The following GKAP1 variants were observed in gnomAD, a reference collection of about 807,000 sequenced individuals.
GKAP1 encodes the protein G kinase anchoring protein 1.
Under a neutral mutation model 56.7 loss-of-function variants are expected in GKAP1, and 31 were observed. The ratio of observed to expected loss-of-function variants is 0.55; its 90% confidence interval spans 0.41 to 0.74. The LOEUF (loss-of-function observed/expected upper bound fraction) is 0.74. Among genes scored for constraint, GKAP1 ranks in the 30% least tolerant of loss-of-function variants. GKAP1 has a pLI of 0.00. For missense variants in GKAP1, 364 were observed against 402.3 expected, an observed-to-expected ratio of 0.90 and a Z score of 0.82; for synonymous variants, 151 against 138.6, an observed-to-expected ratio of 1.09 and a Z score of -0.63.
intron 3 of GKAP1, 53 bp from the exon 4 acceptor site, chr9:83,799,381 TA>T (rs1270963916): frequency 7.8e-7 from 1 of 1,278,160 alleles, no homozygotes; most frequent in Admixed American, 2.5e-5. Context: ...CCTGGGATAC[TA>T]ATGATTTTTT....
intron 8 of GKAP1, among the ~76,000 whole-genome samples, chr9:83,763,129 G>T (rs1587702680): frequency 6.6e-6 from 1 of 152,250 alleles, no homozygotes; most frequent in East Asian, 1.9e-4. Context: ...CTTGTTATTT[G>T]CAACAACATG....
At chr9:83,793,380 T>G (rs1240390342) in intron 4 of GKAP1, among the ~76,000 whole-genome samples, 1 of 152,216 alleles carries the variant, frequency 6.6e-6, no homozygotes, top group African/African-American at 2.4e-5. Context: ...ACTACATATC[T>G]TTCAGTAATT....
At chr9:83,778,819 CAG>C in intron 7 of GKAP1, among the ~76,000 whole-genome samples, 1 of 151,036 alleles carries the variant, frequency 6.6e-6, no homozygotes, top group East Asian at 1.9e-4. Context: ...GGAACTTAAT[CAG>C]AAATCTTCAA....
intron 4 of GKAP1, among the ~76,000 whole-genome samples, chr9:83,796,123 G>A (rs990394617): frequency 6.6e-6 from 1 of 151,418 alleles, no homozygotes; most frequent in South Asian, 2.1e-4. Flanking sequence ...TTAGAGCTAG[G>A]GTCTCACTAT....
At chr9:83,810,291 C>T (rs1944489951) in intron 2 of GKAP1, among the ~76,000 whole-genome samples, 1 of 152,106 alleles carries the variant, frequency 6.6e-6, no homozygotes, top group Non-Finnish European at 1.5e-5. Flanking sequence ...TCTAAGAAAT[C>T]ATTATTTAAA....
intron 8 of GKAP1, among the ~76,000 whole-genome samples, chr9:83,757,387 T>C (rs1369168347): frequency 2.6e-5 from 4 of 152,214 alleles, no homozygotes; most frequent in Non-Finnish European, 5.9e-5. Flanking sequence ...ATAGGTTTTA[T>C]ACAAACACAT....
chr9:83,815,150 A>G (rs749381096), intron 2 of GKAP1, among the ~76,000 whole-genome samples: 1 of 152,188 alleles, frequency 6.6e-6, no homozygotes, highest in Non-Finnish European at 1.5e-5. Flanking sequence ...CCAGCCTGGC[A>G]ACAGAGCGAG....
At chr9:83,745,150 C>T (rs138695982) in intron 10 of GKAP1, among the ~76,000 whole-genome samples, 182 of 152,198 alleles carry the variant, frequency 1.2e-3, no homozygotes, top group African/African-American at 4.1e-3. Context: ...CCCACCTTAG[C>T]CTTCCAAGCA....
intron 8 of GKAP1, among the ~76,000 whole-genome samples, chr9:83,761,798 C>CA (rs1324067994): frequency 6.6e-6 from 1 of 152,096 alleles, no homozygotes; most frequent in Non-Finnish European, 1.5e-5. Context: ...GAATGAAGGA[C>CA]AAAAACCACA....
At position 83,763,726 on chromosome 9, in the gene GKAP1, C is replaced by T. The variant is rs190393750; in HGVS notation, c.738+5092G>A. Among the ~76,000 whole-genome samples the T allele has an allele frequency of 4.9e-4, 74 of 152,118 alleles. 1 individual carries two copies. The East Asian group carries it at 0.014, about 29-fold the overall frequency. ...TGGGGCTCACCATTTTTTGCTTGTA[C>T]AAAAATAATTATCTATTGAGTGCAT... On this transcript the variant is annotated intron_variant, in intron 8 of 12. Transcript: ENST00000376371.
chr9:83,797,678 T>C (rs1036635866), intron 4 of GKAP1, among the ~76,000 whole-genome samples: 1 of 150,082 alleles, frequency 6.7e-6, no homozygotes, highest in Non-Finnish European at 1.5e-5. Flanking sequence ...GTCACACTAT[T>C]TCCTTTTCAT....
chr9:83,762,823 C>T (rs757302050), intron 8 of GKAP1, among the ~76,000 whole-genome samples: 3 of 152,116 alleles, frequency 2.0e-5, no homozygotes, highest in Non-Finnish European at 4.4e-5. Context: ...CGATAAATGG[C>T]ACTGGGAAAA....
At chr9:83,774,372 T>C (rs1943816106) in intron 7 of GKAP1, among the ~76,000 whole-genome samples, 1 of 151,262 alleles carries the variant, frequency 6.6e-6, no homozygotes, top group African/African-American at 2.4e-5. Flanking sequence ...GAGGTCAAGG[T>C]AGGTGGATCA....
At chr9:83,740,365 AAC>A (rs1943185989) in intron 12 of GKAP1, among the ~76,000 whole-genome samples, 1 of 146,460 alleles carries the variant, frequency 6.8e-6, no homozygotes, top group Non-Finnish European at 1.5e-5. Flanking sequence ...TAAATATTTT[AAC>A]ATAACATAAC....
intron 2 of GKAP1, among the ~76,000 whole-genome samples, chr9:83,810,475 C>G (rs906258232): frequency 9.2e-5 from 14 of 152,214 alleles, no homozygotes; most frequent in Non-Finnish European, 1.5e-4. Context: ...TTATGTTTTA[C>G]TTATCCTATA....
rs138303968 is a variant in GKAP1 at position 83,740,202 on chromosome 9, A to C, written c.1054-458T>G. ...TAGCATTAGAAATTTGATTTTGTTC[A>C]TTAGTGGATTGAAAACTAGGTTATG... On this transcript the variant is annotated intron_variant, in intron 12 of 12. Coordinates refer to ENST00000376371, the MANE Select transcript of GKAP1 (RefSeq NM_025211.4). 1.7e-3 allele frequency among the ~76,000 whole-genome samples: 261 copies of C among 152,244 alleles called. 1 individual carries two copies. Among genetic ancestry groups the C allele is most frequent in the African/African-American group, 5.8e-3 (243 of 41,570 alleles).
chr9:83,799,107 G>T, intron 4 of GKAP1, 78 bp downstream of exon 4: 1 of 1,218,060 alleles, frequency 8.2e-7, no homozygotes, highest in African/African-American at 1.5e-5. Context: ...CAGTGGTGAC[G>T]TGAATTCAGA....
intron 3 of GKAP1, among the ~76,000 whole-genome samples, chr9:83,804,807 C>G (rs866202024): frequency 6.9e-6 from 1 of 145,194 alleles, no homozygotes; most frequent in Admixed American, 6.7e-5. Flanking sequence ...AAGTGAGGAG[C>G]CCCTCTGCCT....
At chr9:83,760,322 T>A (rs1035236103) in intron 8 of GKAP1, among the ~76,000 whole-genome samples, 2 of 152,178 alleles carry the variant, frequency 1.3e-5, no homozygotes, top group Admixed American at 6.5e-5. Context: ...GATATAACAA[T>A]TTTAAATACA....
Sources: gnomAD v4.1 joint callset for allele counts (sites outside exome capture counted in the v4.1 genomes callset) on GRCh38, gnomAD v4.1.1 for gene constraint, MANE v1.5 for transcripts, NCBI Gene and HGNC (gene_info 2026-07-23, HGNC 2026-07-21) for gene names.